The following RALYL variants were observed in gnomAD, a reference collection of about 807,000 sequenced individuals.
The protein encoded by RALYL is RNA-binding Raly-like protein.
RALYL carries 29 observed loss-of-function variants against 35.1 expected under a neutral mutation model. That is an observed-to-expected ratio of 0.83 (90% CI 0.61 to 1.13). The LOEUF (loss-of-function observed/expected upper bound fraction) is 1.13, where lower values mean the gene tolerates loss of function less well. RALYL is among the 50% of genes most tolerant of loss of function. The pLI, the probability that RALYL is intolerant of heterozygous loss-of-function variation, is 0.00. For missense variants in RALYL, 359 were observed against 360.4 expected, an observed-to-expected ratio of 1.00 and a Z score of 0.03; for synonymous variants, 120 against 127.6, an observed-to-expected ratio of 0.94 and a Z score of 0.40.
At chr8:84,845,306 G>A (rs1834400677) in intron 4 of RALYL, among the ~76,000 whole-genome samples, 1 of 151,940 alleles carries the variant, frequency 6.6e-6, no homozygotes, top group Admixed American at 6.6e-5. Context: ...ATATTTATTG[G>A]AATTAGCAAC....
At chr8:84,467,886 A>G (rs2051968299) in intron 1 of RALYL, among the ~76,000 whole-genome samples, 1 of 135,068 alleles carries the variant, frequency 7.4e-6, no homozygotes, top group Admixed American at 7.5e-5. Context: ...TGATCCCTTT[A>G]CCATTATGTA....
intron 2 of RALYL, among the ~76,000 whole-genome samples, chr8:84,627,067 A>G (rs1391854029): frequency 6.6e-6 from 1 of 152,124 alleles, no homozygotes; most frequent in Non-Finnish European, 1.5e-5. Context: ...GCTCTTTAAC[A>G]ATGTATCTTC....
At chr8:84,367,310 A>T (rs1586640222) in intron 1 of RALYL, among the ~76,000 whole-genome samples, 1 of 71,068 alleles carries the variant, frequency 1.4e-5, no homozygotes, top group African/African-American at 4.4e-5. Flanking sequence ...TGCCCAACTA[A>T]TTTTTGTATT....
chr8:84,235,100 G>A (rs796763756), intron 1 of RALYL, among the ~76,000 whole-genome samples: 1 of 152,082 alleles, frequency 6.6e-6, no homozygotes, highest in Admixed American at 6.6e-5. Context: ...GTTTTGCTTT[G>A]TTCTAAGTAG....
chr8:84,390,119 G>C (rs962766285), intron 1 of RALYL, among the ~76,000 whole-genome samples: 12 of 152,084 alleles, frequency 7.9e-5, no homozygotes, highest in African/African-American at 2.7e-4. Context: ...TTTGTCTTTG[G>C]TTCTGTTTAT....
chr8:84,337,229 A>G (rs1847963835), intron 1 of RALYL, among the ~76,000 whole-genome samples: 1 of 151,882 alleles, frequency 6.6e-6, no homozygotes, highest in South Asian at 2.1e-4. Flanking sequence ...AGAAAATTAA[A>G]CTGGCATTAT....
chr8:84,494,466 G>A (rs783787), intron 1 of RALYL, among the ~76,000 whole-genome samples: 60,699 of 151,848 alleles, frequency 0.4, 12,464 homozygotes, highest in East Asian at 0.52. Flanking sequence ...TGATGGGAAT[G>A]TTATTGAATC....
At chr8:84,816,767 G>T (rs372436593) in intron 4 of RALYL, among the ~76,000 whole-genome samples, 1 of 152,208 alleles carries the variant, frequency 6.6e-6, no homozygotes, top group South Asian at 2.1e-4. Flanking sequence ...AGTGTAATTG[G>T]ATTGTTTGTT....
At chr8:84,345,345 A>C (rs1849642356) in intron 1 of RALYL, among the ~76,000 whole-genome samples, 1 of 151,922 alleles carries the variant, frequency 6.6e-6, no homozygotes, top group Non-Finnish European at 1.5e-5. Flanking sequence ...CCAACTTTTC[A>C]TTAGAAAGTA....
intron 1 of RALYL, among the ~76,000 whole-genome samples, chr8:84,354,527 C>A (rs1456608002): frequency 6.6e-6 from 1 of 150,402 alleles, no homozygotes; most frequent in Non-Finnish European, 1.5e-5. Flanking sequence ...TCTCCTCAGT[C>A]ACTTTTTGAA....
intron 2 of RALYL, among the ~76,000 whole-genome samples, chr8:84,546,974 C>T (rs1467803499): frequency 1.3e-5 from 2 of 151,804 alleles, no homozygotes; most frequent in Non-Finnish European, 2.9e-5. Context: ...TTTAATTTTA[C>T]CTTAAGTTCT....
chr8:84,323,600 A>G (rs1016162137), intron 1 of RALYL, among the ~76,000 whole-genome samples: 3 of 152,224 alleles, frequency 2.0e-5, no homozygotes, highest in South Asian at 2.1e-4. Flanking sequence ...GTGCATTTCA[A>G]TGCACAGTGT....
intron 6 of RALYL, among the ~76,000 whole-genome samples, chr8:84,863,934 C>A (rs1201954218): frequency 6.6e-6 from 1 of 152,100 alleles, no homozygotes; most frequent in Admixed American, 6.6e-5. Flanking sequence ...GGTTAGGTCA[C>A]CCCAATGTGG....
At chr8:84,505,838 T>C (rs959995176) in intron 1 of RALYL, among the ~76,000 whole-genome samples, 1 of 152,146 alleles carries the variant, frequency 6.6e-6, no homozygotes, top group African/African-American at 2.4e-5. Flanking sequence ...TATTAGATGG[T>C]AAGGTTAAAG....
intron 2 of RALYL, among the ~76,000 whole-genome samples, chr8:84,601,835 G>A (rs956092503): frequency 2.0e-4 from 31 of 152,030 alleles, no homozygotes; most frequent in Non-Finnish European, 2.2e-4. Flanking sequence ...AAACTATTGA[G>A]GCTATGATGC....
chr8:84,531,967 C>A (rs2059306135), intron 2 of RALYL, among the ~76,000 whole-genome samples: 1 of 152,048 alleles, frequency 6.6e-6, no homozygotes, highest in South Asian at 2.1e-4. Flanking sequence ...TTCTAAGATA[C>A]CATTTCTCAT....
Position 84,185,007 on chromosome 8 carries a change from A to C in RALYL, c.-24+583A>C, listed in dbSNP as rs773385570. The C allele has an allele frequency of 8.7e-6, 14 of 1,613,814 alleles. No individual in the cohort carries two copies. In the African/African-American group the frequency reaches 1.7e-4, roughly 20 times the overall value. On this transcript the variant is annotated intron_variant, in intron 1 of 8. Transcript: ENST00000521268. ...TGCTCCTCCTCTTCGCAATGAGTAAACGACGCAGTAGGTCCTACCCAGCCT... is the reference window on the plus strand; with the variant it reads ...TGCTCCTCCTCTTCGCAATGAGTAACCGACGCAGTAGGTCCTACCCAGCCT...
At chr8:84,638,329 C>T (rs138455531) in intron 2 of RALYL, among the ~76,000 whole-genome samples, 1 of 151,896 alleles carries the variant, frequency 6.6e-6, no homozygotes, top group African/African-American at 2.4e-5. Context: ...GAGCAAATTT[C>T]ATAGCCTTAA....
chr8:84,198,908 C>T (rs761437234), intron 1 of RALYL, among the ~76,000 whole-genome samples: 1 of 152,162 alleles, frequency 6.6e-6, no homozygotes, highest in Non-Finnish European at 1.5e-5. Context: ...TTGATGGACA[C>T]TTTGGTTGCT....
Sources: allele counts gnomAD v4.1 joint callset (sites outside exome capture counted in the v4.1 genomes callset), GRCh38; gene constraint gnomAD v4.1.1; transcripts MANE v1.5; gene names NCBI Gene and HGNC (gene_info 2026-07-23, HGNC 2026-07-21).